Variants in TPRG1 observed in about 807,000 individuals in gnomAD.
The protein encoded by TPRG1 is tumor protein p63-regulated gene 1 protein.
A neutral mutation model predicts 29.3 loss-of-function variants in TPRG1; 29 were observed. The ratio of observed to expected loss-of-function variants is 0.99; its 90% confidence interval spans 0.74 to 1.35. The LOEUF (loss-of-function observed/expected upper bound fraction) is 1.35, where lower values mean the gene tolerates loss of function less well. Ranked by LOEUF, TPRG1 falls within the 40% of genes most tolerant of loss-of-function variation. The pLI is 0.00. For synonymous variants in TPRG1, 130 were observed against 116.8 expected (o/e 1.11, Z -0.73); for missense variants, 327 against 335.0 (o/e 0.98, Z 0.19).
upstream of TPRG1, among the ~76,000 whole-genome samples, chr3:189,096,998 G>C (rs1035386935): frequency 1.3e-5 from 2 of 152,046 alleles, no homozygotes; most frequent in Non-Finnish European, 1.5e-5. Context: ...TGAACATTTT[G>C]TACTCAGTTA....
At chr3:189,287,900 T>TTGAG (rs1427883404) in intron 4 of TPRG1, among the ~76,000 whole-genome samples, 1 of 152,096 alleles carries the variant, frequency 6.6e-6, no homozygotes, top group African/African-American at 2.4e-5. Flanking sequence ...TGCGAAAAGA[T>TTGAG]TGAGAATTGA....
chr3:189,216,552 T>C (rs965504001), intron 3 of TPRG1, among the ~76,000 whole-genome samples: 3 of 152,222 alleles, frequency 2.0e-5, no homozygotes, highest in African/African-American at 7.2e-5. Context: ...ATAGTATGTA[T>C]CTGAAGAATT....
chr3:189,092,230 A>C (rs1718383383), intron 4 of TPRG1, among the ~76,000 whole-genome samples: 5 of 152,192 alleles, frequency 3.3e-5, no homozygotes, highest in Admixed American at 2.6e-4. Flanking sequence ...ATATGCATAC[A>C]AACCACCTGT....
At position 189,209,873 on chromosome 3, in the gene TPRG1, G is replaced by A. The variant is rs75346346; in HGVS notation, c.210+2279G>A. 1.6e-4 allele frequency among the ~76,000 whole-genome samples: 25 copies of A among 152,280 alleles called. No homozygotes were observed. In the East Asian group the frequency reaches 4.4e-3, roughly 27 times the overall value. ...AACCTGAAGACTCTGGGAACCAATAGGGAGATTTTCCCAAGATACTCAGTG... is the reference window on the plus strand; with the variant it reads ...AACCTGAAGACTCTGGGAACCAATAAGGAGATTTTCCCAAGATACTCAGTG... On this transcript the variant is annotated intron_variant, in intron 2 of 5. Coordinates refer to ENST00000345063, the MANE Select transcript of TPRG1 (RefSeq NM_198485.4).
At chr3:189,116,103 A>G (rs1721132273) in intron 1 of TPRG1, among the ~76,000 whole-genome samples, 1 of 152,114 alleles carries the variant, frequency 6.6e-6, no homozygotes. Flanking sequence ...TCAAAATAGT[A>G]TTACCATATG....
chr3:189,205,497 T>C (rs1389022376), intron 1 of TPRG1, among the ~76,000 whole-genome samples: 1 of 152,240 alleles, frequency 6.6e-6, no homozygotes, highest in Non-Finnish European at 1.5e-5. Context: ...TTTTACCTCT[T>C]GTGAATAGCC....
intron 4 of TPRG1, among the ~76,000 whole-genome samples, chr3:189,080,144 T>C (rs1031833780): frequency 6.6e-6 from 1 of 152,232 alleles, no homozygotes; most frequent in African/African-American, 2.4e-5. Flanking sequence ...TGTTGAAAGT[T>C]ATCTAGTTCA....
intron 4 of TPRG1, among the ~76,000 whole-genome samples, chr3:189,242,919 T>G (rs998797777): frequency 6.6e-6 from 1 of 152,206 alleles, no homozygotes; most frequent in African/African-American, 2.4e-5. Flanking sequence ...AAGGAATTTG[T>G]TGTTTATTTA....
intron 4 of TPRG1, among the ~76,000 whole-genome samples, chr3:189,250,747 TA>T (rs139028462): frequency 0.14 from 16,669 of 122,638 alleles, 1,207 homozygotes; most frequent in East Asian, 0.36. Flanking sequence ...TTCCCTTGTT[TA>T]AAAAAAAAAA....
chr3:189,206,053 GTCTTTCTTTCTTTTT>G (rs1217347669), intron 1 of TPRG1, among the ~76,000 whole-genome samples: 3 of 41,048 alleles, frequency 7.3e-5, no homozygotes, highest in Non-Finnish European at 1.4e-4. Flanking sequence ...CCTTTCTTCT[GTCTTTCTTTCTTTTT>G]TCTTTCTTTC....
intron 4 of TPRG1, among the ~76,000 whole-genome samples, chr3:189,031,940 T>G (rs1243428417): frequency 6.6e-6 from 1 of 151,914 alleles, no homozygotes; most frequent in Non-Finnish European, 1.5e-5. Context: ...GGTATATTAG[T>G]TAGAATTTAG....
intron 1 of TPRG1, among the ~76,000 whole-genome samples, chr3:189,113,650 T>A (rs193140515): frequency 0.01 from 1,541 of 152,198 alleles, 26 homozygotes; most frequent in African/African-American, 0.034. Context: ...GGTTTTTGTC[T>A]TTGGTTCTGT....
At chr3:189,090,652 CTT>C (rs1416972240) in intron 4 of TPRG1, among the ~76,000 whole-genome samples, 2 of 151,950 alleles carry the variant, frequency 1.3e-5, no homozygotes, top group African/African-American at 4.8e-5. Context: ...ATTTAAAAAA[CTT>C]TTCCCCTTGA....
chr3:189,126,843 A>T (rs925322178), intron 1 of TPRG1, among the ~76,000 whole-genome samples: 4 of 152,214 alleles, frequency 2.6e-5, no homozygotes, highest in African/African-American at 9.6e-5. Context: ...CAAACCCTGT[A>T]GGGAAAGAAA....
chr3:189,123,849 TGGAAATGTGCCCG>T (rs1221890949), intron 1 of TPRG1: 1 of 152,188 alleles, frequency 6.6e-6, no homozygotes, highest in Non-Finnish European at 1.5e-5. Context: ...TCCCTGGGAC[TGGAAATGTGCCCG>T]GGAAATGTGC....
At chr3:189,090,870 T>G (rs1326928553) in intron 4 of TPRG1, among the ~76,000 whole-genome samples, 1 of 152,132 alleles carries the variant, frequency 6.6e-6, no homozygotes, top group African/African-American at 2.4e-5. Context: ...AAGTCTTTGC[T>G]TTGATTAATG....
intron 4 of TPRG1, among the ~76,000 whole-genome samples, chr3:189,050,425 A>G (rs1265067762): frequency 1.3e-5 from 2 of 152,228 alleles, no homozygotes; most frequent in Non-Finnish European, 2.9e-5. Context: ...AACAAGCAGC[A>G]GGTTTGAAAT....
At chr3:189,091,740 A>G (rs958240354) in intron 4 of TPRG1, among the ~76,000 whole-genome samples, 2 of 152,142 alleles carry the variant, frequency 1.3e-5, no homozygotes, top group African/African-American at 4.8e-5. Flanking sequence ...AGTTATAAAC[A>G]TTTAGAGATT....
chr3:189,295,059 A>G (rs1403340465), intron 4 of TPRG1, among the ~76,000 whole-genome samples: 1 of 152,178 alleles, frequency 6.6e-6, no homozygotes, highest in Non-Finnish European at 1.5e-5. Context: ...CCTTTGTTTT[A>G]TGTGCTTCTA....
Sources: allele counts gnomAD v4.1 joint callset (sites outside exome capture counted in the v4.1 genomes callset), GRCh38; gene constraint gnomAD v4.1.1; transcripts MANE v1.5; gene names NCBI Gene and HGNC (gene_info 2026-07-23, HGNC 2026-07-21).